The following UBP1 variants were observed in gnomAD, a reference collection of about 807,000 sequenced individuals.
UBP1 encodes the protein upstream-binding protein 1.
Under a neutral mutation model 76.1 loss-of-function variants are expected in UBP1, and 22 were observed. The observed-to-expected ratio is 0.29, with a 90% CI of 0.21 to 0.41. The LOEUF is 0.41. Ranked by LOEUF, UBP1 falls within the 10% of genes least tolerant of loss-of-function variation. UBP1 has a pLI of 1.00. For missense variants in UBP1, 436 were observed against 668.1 expected (o/e 0.65, Z 3.83); for synonymous variants, 224 against 237.1 (o/e 0.94, Z 0.51).
intron 2 of UBP1, among the ~76,000 whole-genome samples, chr3:33,422,208 A>G (rs1191158753): frequency 6.6e-6 from 1 of 152,214 alleles, no homozygotes; most frequent in Non-Finnish European, 1.5e-5. Flanking sequence ...GAAATGTCTC[A>G]GTCTGGTCCA....
chr3:33,392,837 C>A (rs1393515476), intron 14 of UBP1: 7 of 453,708 alleles, frequency 1.5e-5, no homozygotes, highest in Non-Finnish European at 2.3e-5. Context: ...GTCAGTCACC[C>A]ATGTGACCCA....
intron 13 of UBP1, among the ~76,000 whole-genome samples, 193 bp downstream of exon 13, chr3:33,395,969 A>G (rs562708790): frequency 6.6e-6 from 1 of 152,274 alleles, no homozygotes; most frequent in South Asian, 2.1e-4. Context: ...TGACTGAGAA[A>G]GAATGCCAGT....
chr3:33,439,713 T>C (rs769798573), intron 1 of UBP1, 23 bp downstream of exon 1: 3 of 1,608,510 alleles, frequency 1.9e-6, no homozygotes, highest in Admixed American at 1.7e-5. Context: ...CAGAGGCTTC[T>C]CCCCGCCCAG....
intron 1 of UBP1, among the ~76,000 whole-genome samples, chr3:33,429,362 T>A (rs2045075642): frequency 6.6e-6 from 1 of 152,134 alleles, no homozygotes; most frequent in Non-Finnish European, 1.5e-5. Flanking sequence ...TATTTTTTTT[T>A]TTTTAAGACA....
intron 12 of UBP1, 71 bp downstream of exon 12, chr3:33,396,974 A>G (rs752020699): frequency 7.0e-7 from 1 of 1,421,496 alleles, no homozygotes; most frequent in Middle Eastern, 1.8e-4. Flanking sequence ...GTGGAAACAC[A>G]TTCTGCCCAA....
At chr3:33,401,106 T>A in intron 9 of UBP1, 90 bp from the exon 10 acceptor site, 1 of 1,280,318 alleles carries the variant, frequency 7.8e-7, no homozygotes, top group Non-Finnish European at 1.1e-6. Flanking sequence ...ATTGTAACTA[T>A]GCAAATTTCA....
chr3:33,439,691 T>G, intron 1 of UBP1, 45 bp downstream of exon 1: 3 of 1,598,038 alleles, frequency 1.9e-6, no homozygotes, highest in Admixed American at 1.7e-5. Context: ...GCGCAGGCCT[T>G]CCCCAAGGAG....
At position 33,438,373 on chromosome 3, in the gene UBP1, G is replaced by C. The variant is rs1014407283; in HGVS notation, c.113+1363C>G. Among the ~76,000 whole-genome samples, 3 of 152,168 alleles carry C rather than the reference G, an allele frequency of 2.0e-5. No homozygotes were observed. In the East Asian group the frequency reaches 5.8e-4, roughly 29 times the overall value. ...CTCCTTTGCCTTGACTATAAGCCTC[G>C]TGTTTCCAGTAGAGAGCTAAGGAGC... On this transcript the variant is annotated intron_variant, in intron 1 of 15. Transcript: ENST00000283629.
In UBP1 at chr3:33,392,357, T is replaced by C. The variant is rs1397976570; in HGVS notation, c.1585+206A>G. On this transcript the variant is annotated intron_variant, in intron 15 of 15. Coordinates refer to ENST00000283629, the MANE Select transcript of UBP1 (RefSeq NM_014517.5). Reference sequence around the variant, plus strand: ...CGTTGGCTGAATGAATTGAGATTTTTTTTTCCAGTCATCTAGAAAGACTGA... The same window carrying C: ...CGTTGGCTGAATGAATTGAGATTTTCTTTTCCAGTCATCTAGAAAGACTGA... The C allele has an allele frequency of 8.4e-6, 4 of 476,352 alleles. No individual in the cohort carries two copies. In the Admixed American group the frequency reaches 1.3e-4, roughly 15 times the overall value. 29.5% of individuals were successfully genotyped at this position (476,352 alleles called of 1,614,324 possible).
Position 33,389,025 on chromosome 3 carries a change from C to G in UBP1, c.*1306G>C, listed in dbSNP as rs1019026889. 1.3e-5 allele frequency: 2 copies of G among 152,364 alleles called. No individual in the cohort carries two copies. Among genetic ancestry groups the G allele is most frequent in the Non-Finnish European group, 2.9e-5 (2 of 68,020 alleles). The allele number at this position is 152,364 out of a possible 1,614,324, so 9.4% of individuals were successfully genotyped here. A position where few individuals can be genotyped will look rare whatever the true frequency, so the allele number is the denominator to read the frequency against. On this transcript the variant is annotated 3_prime_UTR_variant, in exon 16 of 16. Coordinates refer to ENST00000283629, the MANE Select transcript of UBP1 (RefSeq NM_014517.5). ...AGAAGTTAAAAAAAAAATTCAGTCC[C>G]CTACACCACAGGCCTCAAACATGCT...
intron 14 of UBP1, chr3:33,393,094 GGGGA>G: frequency 2.0e-6 from 1 of 497,034 alleles, no homozygotes; most frequent in Non-Finnish European, 3.4e-6. Context: ...AAAGGGCTGG[GGGGA>G]GGCTAAGCCA....
At chr3:33,400,577 G>C (rs898857717) in intron 10 of UBP1, among the ~76,000 whole-genome samples, 2 of 152,146 alleles carry the variant, frequency 1.3e-5, no homozygotes, top group African/African-American at 2.4e-5. Context: ...GCCAGGCACA[G>C]AAAGACTTAT....
At chr3:33,410,357 A>C (rs1404917511) in intron 5 of UBP1, among the ~76,000 whole-genome samples, 2 of 152,194 alleles carry the variant, frequency 1.3e-5, no homozygotes, top group Non-Finnish European at 2.9e-5. Flanking sequence ...ATGACAACAC[A>C]ACCTGATATG....
intron 1 of UBP1, among the ~76,000 whole-genome samples, chr3:33,435,957 A>C (rs2045197316): frequency 6.6e-6 from 1 of 152,230 alleles, no homozygotes; most frequent in Admixed American, 6.5e-5. Flanking sequence ...CTGTACTTCC[A>C]AGATATATAT....
At chr3:33,396,781 AGTC>A in intron 12 of UBP1, 1 of 629,472 alleles carries the variant, frequency 1.6e-6, no homozygotes, top group Non-Finnish European at 2.9e-6. Flanking sequence ...CAACAAACCC[AGTC>A]GTCTTCAAGA....
chr3:33,405,295 C>G (rs1231518349), intron 8 of UBP1, among the ~76,000 whole-genome samples: 2 of 152,048 alleles, frequency 1.3e-5, no homozygotes, highest in Non-Finnish European at 2.9e-5. Flanking sequence ...AGAGTAAAAT[C>G]TTGGATTTAA....
At chr3:33,419,680 C>T (rs988485995) in intron 2 of UBP1, among the ~76,000 whole-genome samples, 2 of 151,106 alleles carry the variant, frequency 1.3e-5, no homozygotes, top group Admixed American at 1.3e-4. Context: ...ACACTTGCTA[C>T]GCTTAAAGTG....
intron 1 of UBP1, among the ~76,000 whole-genome samples, chr3:33,433,000 T>TA (rs1249987371): frequency 6.6e-6 from 1 of 152,042 alleles, no homozygotes; most frequent in African/African-American, 2.4e-5. Context: ...GAATGAGTAA[T>TA]AACTAGTTTT....
intron 11 of UBP1, 60 bp downstream of exon 11, chr3:33,400,129 A>G: frequency 8.6e-7 from 1 of 1,164,116 alleles, no homozygotes; most frequent in Non-Finnish European, 1.2e-6. Flanking sequence ...AAAGTTAATA[A>G]AAGCACAGAA....
Sources: allele counts gnomAD v4.1 joint callset (sites outside exome capture counted in the v4.1 genomes callset), GRCh38; gene constraint gnomAD v4.1.1; transcripts MANE v1.5; gene names NCBI Gene and HGNC (gene_info 2026-07-23, HGNC 2026-07-21).